The following FHIT variants were observed in gnomAD, a reference collection of about 807,000 sequenced individuals.
FHIT encodes bis(5'-adenosyl)-triphosphatase.
FHIT carries 19 observed loss-of-function variants against 17.9 expected under a neutral mutation model. The observed-to-expected ratio is 1.06, with a 90% confidence interval of 0.74 to 1.56. FHIT has a LOEUF of 1.56. Among genes scored for constraint, FHIT ranks in the 40% most tolerant of loss-of-function variants. The pLI is 0.00. For synonymous variants in FHIT, 81 were observed against 69.7 expected (o/e 1.16, Z -0.81); for missense variants, 248 against 189.2 (o/e 1.31, Z -1.82).
At chr3:60,210,508 T>C (rs775990378) in intron 5 of FHIT, among the ~76,000 whole-genome samples, 15 of 132,738 alleles carry the variant, frequency 1.1e-4, no homozygotes, top group Non-Finnish European at 2.0e-4. Flanking sequence ...TAAGCTTCAC[T>C]AGAGATAAAA....
intron 2 of FHIT, among the ~76,000 whole-genome samples, chr3:61,074,279 C>T (rs756340411): frequency 3.9e-5 from 6 of 152,178 alleles, no homozygotes; most frequent in Non-Finnish European, 5.9e-5. Flanking sequence ...AGAGGGTATT[C>T]GAGTGATTTT....
intron 5 of FHIT, among the ~76,000 whole-genome samples, chr3:60,467,292 A>G (rs1266638739): frequency 1.3e-5 from 2 of 151,868 alleles, no homozygotes; most frequent in African/African-American, 4.8e-5. Flanking sequence ...TTTCAAAAAA[A>G]CAACTTTTTG....
At chr3:60,855,774 A>G (rs9882247) in intron 3 of FHIT, among the ~76,000 whole-genome samples, 6,858 of 152,180 alleles carry the variant, frequency 0.045, 505 homozygotes, top group African/African-American at 0.16. Flanking sequence ...AGTGTTCTGT[A>G]GTGTACTTTC....
intron 7 of FHIT, among the ~76,000 whole-genome samples, chr3:59,996,442 C>T (rs1699514971): frequency 6.6e-6 from 1 of 152,022 alleles, no homozygotes; most frequent in South Asian, 2.1e-4. Context: ...CATGGGTAAG[C>T]CTCAGGGGAA....
chr3:60,053,471 G>T (rs993129311), intron 5 of FHIT, among the ~76,000 whole-genome samples: 2 of 150,726 alleles, frequency 1.3e-5, no homozygotes, highest in Admixed American at 6.7e-5. Context: ...TCCAAGACAT[G>T]CATTTTGCCT....
intron 4 of FHIT, among the ~76,000 whole-genome samples, chr3:60,655,894 G>A (rs546564311): frequency 1.1e-4 from 16 of 152,250 alleles, no homozygotes; most frequent in African/African-American, 3.9e-4. Flanking sequence ...TGGAAGGTTG[G>A]CAAGACACTA....
intron 8 of FHIT, among the ~76,000 whole-genome samples, chr3:59,881,629 G>T (rs1703414411): frequency 1.3e-5 from 2 of 152,122 alleles, no homozygotes; most frequent in African/African-American, 4.8e-5. Flanking sequence ...TAAAAAACTG[G>T]CTCTATGAAG....
At chr3:61,039,132 A>G (rs1009501925) in intron 3 of FHIT, among the ~76,000 whole-genome samples, 10 of 152,226 alleles carry the variant, frequency 6.6e-5, no homozygotes, top group African/African-American at 2.4e-4. Flanking sequence ...GAAGGCTACA[A>G]TTGGCCGCAA....
chr3:59,807,571 C>T (rs1425609493), intron 8 of FHIT, among the ~76,000 whole-genome samples: 1 of 152,116 alleles, frequency 6.6e-6, no homozygotes, highest in East Asian at 1.9e-4. Context: ...CTTCCAAGTC[C>T]CAGGCCAAAG....
intron 8 of FHIT, among the ~76,000 whole-genome samples, chr3:59,762,364 G>T (rs895754415): frequency 6.6e-6 from 1 of 152,146 alleles, no homozygotes; most frequent in Non-Finnish European, 1.5e-5. Context: ...GGTCAAATAC[G>T]TCACTAAATT....
chr3:60,370,502 A>T (rs1306723791), intron 5 of FHIT, among the ~76,000 whole-genome samples: 2 of 152,136 alleles, frequency 1.3e-5, no homozygotes, highest in Non-Finnish European at 2.9e-5. Flanking sequence ...CTAGATATCC[A>T]CCTTGAATTC....
intron 4 of FHIT, among the ~76,000 whole-genome samples, chr3:60,770,253 C>G (rs1699995550): frequency 6.6e-6 from 1 of 150,734 alleles, no homozygotes; most frequent in African/African-American, 2.4e-5. Context: ...GGTATTATAA[C>G]TTGAAAGTTG....
chr3:60,041,394 T>A (rs1701434146), intron 5 of FHIT, among the ~76,000 whole-genome samples: 1 of 152,218 alleles, frequency 6.6e-6, no homozygotes, highest in South Asian at 2.1e-4. Context: ...CAGACAGCAA[T>A]AATTTACACT....
At chr3:59,789,532 CT>C (rs1284408573) in intron 8 of FHIT, among the ~76,000 whole-genome samples, 1 of 152,226 alleles carries the variant, frequency 6.6e-6, no homozygotes, top group Admixed American at 6.5e-5. Context: ...AACTCATTGC[CT>C]TTTATTTTTA....
intron 5 of FHIT, among the ~76,000 whole-genome samples, chr3:60,129,042 C>CTTTTTTTTTTTTTT (rs1360333142): frequency 4.4e-5 from 5 of 113,012 alleles, no homozygotes; most frequent in African/African-American, 1.7e-4. Flanking sequence ...TTCTTCTTTC[C>CTTTTTTTTTTTTTT]TTTTTTGTTT....
In FHIT at chr3:60,027,108, GACACACACAC is replaced by G. The variant is rs754046097; in HGVS notation, c.104-12966_104-12957del. Among the ~76,000 whole-genome samples the G allele has an allele frequency of 7.9e-3, 698 of 88,088 alleles. 12 individuals are homozygous for G. The highest frequency in any genetic ancestry group is 0.012 in the Admixed American group (96 of 8,206). The allele number at this position is 88,088 out of a possible 152,430, so 57.8% of individuals were successfully genotyped here. On this transcript the variant is annotated intron_variant, in intron 5 of 9. Coordinates refer to ENST00000492590, the MANE Select transcript of FHIT (RefSeq NM_002012.4). ...AGTGAGTAAGACTGTTTCACACACA[GACACACACAC>G]ACACACACACACACACACACACACA...
chr3:60,274,377 G>T (rs1182617776), intron 5 of FHIT, among the ~76,000 whole-genome samples: 1 of 152,022 alleles, frequency 6.6e-6, no homozygotes, highest in African/African-American at 2.4e-5. Context: ...TTACATATCA[G>T]TCACTCAATA....
At chr3:61,210,139 C>T (rs1001695601) in intron 1 of FHIT, among the ~76,000 whole-genome samples, 2 of 152,204 alleles carry the variant, frequency 1.3e-5, no homozygotes, top group Non-Finnish European at 2.9e-5. Flanking sequence ...TATTGATGAA[C>T]CGCAAATGCT....
chr3:60,023,566 G>T (rs1329949138), intron 5 of FHIT, among the ~76,000 whole-genome samples: 8 of 152,112 alleles, frequency 5.3e-5, no homozygotes, highest in Non-Finnish European at 8.8e-5. Flanking sequence ...CATATAGCTG[G>T]CCAAGCCAAT....
Sources: gnomAD v4.1 joint callset for allele counts (sites outside exome capture counted in the v4.1 genomes callset) on GRCh38, gnomAD v4.1.1 for gene constraint, MANE v1.5 for transcripts, NCBI Gene and HGNC (gene_info 2026-07-23, HGNC 2026-07-21) for gene names.